PPM1L: variants seen among roughly 807,000 people sequenced by gnomAD.
PPM1L encodes protein phosphatase, Mg2+/Mn2+ dependent 1L.
PPM1L carries 13 observed loss-of-function variants against 31.4 expected under a neutral mutation model. The ratio of observed to expected loss-of-function variants is 0.41; its 90% confidence interval spans 0.27 to 0.66. The LOEUF (loss-of-function observed/expected upper bound fraction) is 0.66, where lower values mean the gene tolerates loss of function less well. Among genes scored for constraint, PPM1L ranks in the 30% least tolerant of loss-of-function variants. The pLI is 0.29. For synonymous variants in PPM1L, 184 were observed against 175.4 expected (o/e 1.05, Z -0.39); for missense variants, 326 against 453.7 (o/e 0.72, Z 2.56).
intron 1 of PPM1L, among the ~76,000 whole-genome samples, chr3:160,907,618 C>T (rs1183197877): frequency 6.6e-6 from 1 of 152,034 alleles, no homozygotes; most frequent in African/African-American, 2.4e-5. Flanking sequence ...AGCCAAATTC[C>T]TTTTTAAGTA....
chr3:160,786,207 A>T (rs867697752), intron 1 of PPM1L, among the ~76,000 whole-genome samples: 888 of 30,928 alleles, frequency 0.029, 58 homozygotes, highest in Non-Finnish European at 0.036. Flanking sequence ...ATATATATAT[A>T]TTTTTTTTTT....
chr3:161,066,277 T>C (rs188573075), intron 3 of PPM1L, among the ~76,000 whole-genome samples: 131 of 152,342 alleles, frequency 8.6e-4, no homozygotes, highest in Non-Finnish European at 1.9e-4. Context: ...GTTTATTCAA[T>C]ATTTTAGGAG....
At chr3:160,832,506 C>T (rs1713552906) in intron 1 of PPM1L, among the ~76,000 whole-genome samples, 1 of 151,976 alleles carries the variant, frequency 6.6e-6, no homozygotes, top group Non-Finnish European at 1.5e-5. Context: ...TTGAGACATA[C>T]CTTGTTCTTG....
intron 1 of PPM1L, among the ~76,000 whole-genome samples, chr3:160,785,617 A>G (rs1249187555): frequency 3.9e-5 from 6 of 152,176 alleles, no homozygotes; most frequent in Admixed American, 2.0e-4. Flanking sequence ...AAATAGAAGC[A>G]TGTTATGTAA....
At chr3:161,005,970 T>G (rs1717690620) in intron 2 of PPM1L, among the ~76,000 whole-genome samples, 1 of 151,146 alleles carries the variant, frequency 6.6e-6, no homozygotes, top group Non-Finnish European at 1.5e-5. Flanking sequence ...AAAAGATGCA[T>G]TAAAAAAACA....
intron 2 of PPM1L, among the ~76,000 whole-genome samples, chr3:161,021,801 A>C (rs745545589): frequency 6.6e-6 from 1 of 151,814 alleles, no homozygotes. Context: ...TGTCTGAAGT[A>C]TATTTTTTCT....
At chr3:160,917,232 T>C (rs548791307) in intron 1 of PPM1L, among the ~76,000 whole-genome samples, 4 of 152,310 alleles carry the variant, frequency 2.6e-5, no homozygotes, top group African/African-American at 9.6e-5. Flanking sequence ...TGGGACAAAT[T>C]TGGTCTCATA....
chr3:160,772,401 A>G (rs113704909), intron 1 of PPM1L, among the ~76,000 whole-genome samples: 2,514 of 152,318 alleles, frequency 0.017, 63 homozygotes, highest in African/African-American at 0.057. Context: ...GGATGGCAAC[A>G]GGAGTGCTTG....
intron 1 of PPM1L, among the ~76,000 whole-genome samples, chr3:160,823,539 T>A (rs1030820512): frequency 6.6e-6 from 1 of 152,080 alleles, no homozygotes; most frequent in Non-Finnish European, 1.5e-5. Flanking sequence ...TACTTTTAAT[T>A]TATCTTCATA....
rs1480337345 is a variant in PPM1L at position 160,889,141 on chromosome 3, A to G, written c.400-72595A>G. 3.9e-5 allele frequency among the ~76,000 whole-genome samples: 6 copies of G among 152,216 alleles called. No homozygotes were observed. The East Asian group carries it at 9.6e-4, about 24-fold the overall frequency. ...TCCAATAGCTAGCAGAAGACAAGAA[A>G]TAACTAAGATCAGAGCAGAGTTGAA... On this transcript the variant is annotated intron_variant, in intron 1 of 3. Coordinates refer to ENST00000498165, the MANE Select transcript of PPM1L (RefSeq NM_139245.4).
At chr3:160,917,484 A>C (rs753989848) in intron 1 of PPM1L, among the ~76,000 whole-genome samples, 5 of 152,212 alleles carry the variant, frequency 3.3e-5, no homozygotes, top group Non-Finnish European at 5.9e-5. Context: ...CTGGATGACT[A>C]AAATAGATAT....
At chr3:160,886,785 A>G (rs1712932581) in intron 1 of PPM1L, among the ~76,000 whole-genome samples, 1 of 152,142 alleles carries the variant, frequency 6.6e-6, no homozygotes. Flanking sequence ...AGAAAACCCA[A>G]AAGGCCAGAG....
chr3:160,941,500 G>A (rs1715161531), intron 1 of PPM1L, among the ~76,000 whole-genome samples: 1 of 152,166 alleles, frequency 6.6e-6, no homozygotes, highest in South Asian at 2.1e-4. Context: ...GTATTCTCAT[G>A]ATAGTGAATA....
At position 160,854,261 on chromosome 3, in the gene PPM1L, T is replaced by C. The variant is rs554698632; in HGVS notation, c.399+97554T>C. ...TACCTGAAATTCAGAAAACTTATCT[T>C]GAAGGAGCCAGAGCCAGTTGGTATA... On this transcript the variant is annotated intron_variant, in intron 1 of 3. Coordinates refer to ENST00000498165, the MANE Select transcript of PPM1L (RefSeq NM_139245.4). 3.3e-4 allele frequency among the ~76,000 whole-genome samples: 51 copies of C among 152,318 alleles called. 1 individual carries two copies. In the South Asian group the frequency reaches 7.7e-3, roughly 23 times the overall value.
At chr3:161,047,539 C>G (rs1231439588) in intron 2 of PPM1L, among the ~76,000 whole-genome samples, 1 of 152,156 alleles carries the variant, frequency 6.6e-6, no homozygotes, top group Non-Finnish European at 1.5e-5. Flanking sequence ...TCAATGCCAT[C>G]CCCATCAAGC....
intron 1 of PPM1L, among the ~76,000 whole-genome samples, chr3:160,798,466 A>G (rs1406434176): frequency 6.6e-6 from 1 of 152,174 alleles, no homozygotes; most frequent in African/African-American, 2.4e-5. Flanking sequence ...AAAAAAACCT[A>G]TGGCCCTTAA....
At chr3:160,863,525 T>C (rs1470466229) in intron 1 of PPM1L, among the ~76,000 whole-genome samples, 1 of 152,208 alleles carries the variant, frequency 6.6e-6, no homozygotes, top group Non-Finnish European at 1.5e-5. Context: ...GGTGAGAAGG[T>C]TGACTTTCTC....
intron 1 of PPM1L, among the ~76,000 whole-genome samples, chr3:160,956,196 T>C (rs1436307317): frequency 6.6e-6 from 1 of 152,242 alleles, no homozygotes; most frequent in Admixed American, 6.5e-5. Context: ...TTATGGAGTT[T>C]ACTGTAACCC....
intron 2 of PPM1L, among the ~76,000 whole-genome samples, chr3:161,041,000 G>C (rs1329430795): frequency 1.3e-5 from 2 of 152,130 alleles, no homozygotes; most frequent in African/African-American, 4.8e-5. Context: ...CAATCCTAAA[G>C]AGGTTACCTA....
Sources: allele counts gnomAD v4.1 joint callset (sites outside exome capture counted in the v4.1 genomes callset), GRCh38; gene constraint gnomAD v4.1.1; transcripts MANE v1.5; gene names NCBI Gene and HGNC (gene_info 2026-07-23, HGNC 2026-07-21).